Variants in PIK3C2G observed in about 807,000 individuals in gnomAD.
PIK3C2G encodes phosphatidylinositol-4-phosphate 3-kinase catalytic subunit type 2 gamma.
In PIK3C2G, 168 loss-of-function variants were observed where a neutral mutation model predicts 181.1. The observed-to-expected ratio is 0.93, with a 90% CI of 0.82 to 1.05. PIK3C2G has a LOEUF of 1.05. PIK3C2G is among the 50% of genes least tolerant of loss of function. The probability of loss-of-function intolerance (pLI) is 0.00; values close to 1 mark genes in which losing one functional copy is unlikely to be tolerated. For missense variants in PIK3C2G, 1,869 were observed against 1,732.8 expected (o/e 1.08, Z -1.40); for synonymous variants, 573 against 592.2 (o/e 0.97, Z 0.47).
the PIK3C2G span, among the ~76,000 whole-genome samples, chr12:18,675,662 T>C: frequency 6.6e-6 from 1 of 152,112 alleles, no homozygotes; most frequent in African/African-American, 2.4e-5. Flanking sequence ...ATGTGATATA[T>C]ATATCTATAC....
At chr12:18,405,397 GTGT>G (rs58282294) in intron 16 of PIK3C2G, among the ~76,000 whole-genome samples, 1,637 of 139,828 alleles carry the variant, frequency 0.012, 19 homozygotes, top group African/African-American at 0.037. Context: ...AGCAACATTT[GTGT>G]TGTTGTTGTT....
chr12:18,605,577 CA>C (rs1300892373), intron 30 of PIK3C2G, among the ~76,000 whole-genome samples: 2 of 151,916 alleles, frequency 1.3e-5, no homozygotes, highest in Non-Finnish European at 2.9e-5. Context: ...AGGACACAAC[CA>C]AAAAAGATAA....
intron 24 of PIK3C2G, among the ~76,000 whole-genome samples, chr12:18,520,131 T>A (rs527302209): frequency 2.0e-5 from 3 of 152,244 alleles, no homozygotes; most frequent in Non-Finnish European, 4.4e-5. Context: ...CTGGCATTTC[T>A]TTCTGGTTGC....
At chr12:18,370,310 C>T (rs1415209259) in intron 12 of PIK3C2G, among the ~76,000 whole-genome samples, 1 of 152,162 alleles carries the variant, frequency 6.6e-6, no homozygotes, top group Non-Finnish European at 1.5e-5. Context: ...TCAACCCAAA[C>T]TCGAGTTTTT....
At chr12:18,715,296 GAA>G in the PIK3C2G span, among the ~76,000 whole-genome samples, 181 of 151,178 alleles carry the variant, frequency 1.2e-3, no homozygotes, top group African/African-American at 3.9e-3. Flanking sequence ...GCTTTAGAGA[GAA>G]AGAGAATTGG....
chr12:18,671,944 A>T, the PIK3C2G span, among the ~76,000 whole-genome samples: 6 of 152,258 alleles, frequency 3.9e-5, no homozygotes, highest in East Asian at 1.2e-3. Flanking sequence ...TAGAGTGGGC[A>T]TATAAGAGCC....
the PIK3C2G span, among the ~76,000 whole-genome samples, chr12:18,704,745 T>C: frequency 3.9e-5 from 6 of 152,122 alleles, no homozygotes; most frequent in Admixed American, 6.5e-5. Flanking sequence ...GAAAGGGTCA[T>C]AGAGACAGGG....
chr12:18,290,800 A>G (rs967186837), intron 3 of PIK3C2G, 55 bp from the exon 4 acceptor site: 6 of 1,127,532 alleles, frequency 5.3e-6, no homozygotes, highest in African/African-American at 1.5e-5. Flanking sequence ...AATATGTTTT[A>G]AACTGTGTCT....
At chr12:18,407,069 G>A (rs1944580423) in intron 16 of PIK3C2G, among the ~76,000 whole-genome samples, 1 of 151,866 alleles carries the variant, frequency 6.6e-6, no homozygotes, top group Admixed American at 6.6e-5. Flanking sequence ...ATACCTCCTA[G>A]GGTTCTTGTC....
intron 1 of PIK3C2G, among the ~76,000 whole-genome samples, chr12:18,266,332 A>G (rs1948498056): frequency 6.6e-6 from 1 of 152,170 alleles, no homozygotes; most frequent in South Asian, 2.1e-4. Context: ...AAAAGCATTG[A>G]TAGAAACAAA....
intron 6 of PIK3C2G, 100 bp downstream of exon 6, chr12:18,314,164 A>T: frequency 1.6e-6 from 1 of 618,212 alleles, no homozygotes. Context: ...TATATAGCTT[A>T]ATTAATACAT....
chr12:18,364,609 A>G (rs1941505455), intron 12 of PIK3C2G, among the ~76,000 whole-genome samples: 1 of 152,152 alleles, frequency 6.6e-6, no homozygotes, highest in Non-Finnish European at 1.5e-5. Flanking sequence ...TTAAAAAGTT[A>G]TTAACCAACC....
intron 5 of PIK3C2G, among the ~76,000 whole-genome samples, chr12:18,297,068 G>A (rs558022815): frequency 4.0e-4 from 61 of 152,022 alleles, no homozygotes; most frequent in African/African-American, 1.5e-3. Context: ...TGAGCTCAAG[G>A]ACAGGAATTA....
At chr12:18,255,158 G>A (rs2136966609) in intron 1 of PIK3C2G, among the ~76,000 whole-genome samples, 1 of 151,634 alleles carries the variant, frequency 6.6e-6, no homozygotes. Context: ...GGAGATTGCG[G>A]TGAGCTGAGA....
At chr12:18,397,632 G>A (rs1054759572) in intron 15 of PIK3C2G, among the ~76,000 whole-genome samples, 7 of 152,042 alleles carry the variant, frequency 4.6e-5, no homozygotes, top group Admixed American at 3.3e-4. Context: ...TCAAGAGTTG[G>A]CAAGAATGTG....
At chr12:18,558,115 T>A (rs1945106185) in intron 26 of PIK3C2G, among the ~76,000 whole-genome samples, 1 of 152,116 alleles carries the variant, frequency 6.6e-6, no homozygotes, top group African/African-American at 2.4e-5. Context: ...TACTATAAAG[T>A]TCCAGCTATT....
chr12:18,288,800 T>C (rs910249409), intron 3 of PIK3C2G, among the ~76,000 whole-genome samples: 6 of 152,224 alleles, frequency 3.9e-5, no homozygotes, highest in Admixed American at 2.0e-4. Context: ...AGCAATTCTC[T>C]TTTTTAAAAC....
intron 22 of PIK3C2G, among the ~76,000 whole-genome samples, chr12:18,502,561 CT>C (rs1779940703): frequency 6.6e-6 from 1 of 152,116 alleles, no homozygotes; most frequent in South Asian, 2.1e-4. Flanking sequence ...ATCTAAATTG[CT>C]GTTCTGTACA....
rs188385743 is a variant in PIK3C2G at position 18,264,987 on chromosome 12, C to A, written c.-79+3410C>A. Among the ~76,000 whole-genome samples, 322 of 152,308 alleles carry A rather than the reference C, an allele frequency of 2.1e-3. 3 individuals carry two copies. The highest frequency in any genetic ancestry group is 7.3e-3 in the African/African-American group (305 of 41,564). ...CTTTTCCTCAATGATTTTGAGAATT[C>A]TCTTTCTTAGAGTCTTCATGATAAC... On this transcript the variant is annotated intron_variant, in intron 1 of 32. Transcript: ENST00000538779.
Sources: gnomAD v4.1 joint callset for allele counts (sites outside exome capture counted in the v4.1 genomes callset) on GRCh38, gnomAD v4.1.1 for gene constraint, MANE v1.5 for transcripts, NCBI Gene and HGNC (gene_info 2026-07-23, HGNC 2026-07-21) for gene names.